The following SPTBN5 variants were observed in gnomAD, a reference collection of about 807,000 sequenced individuals.
SPTBN5 encodes spectrin beta chain, non-erythrocytic 5.
Under a neutral mutation model 477.6 loss-of-function variants are expected in SPTBN5, and 513 were observed. That is an observed-to-expected ratio of 1.07 (90% CI 1.00 to 1.16). The LOEUF (loss-of-function observed/expected upper bound fraction) is 1.16, where lower values mean the gene tolerates loss of function less well. Ranked by LOEUF, SPTBN5 falls within the 50% of genes most tolerant of loss-of-function variation. The probability of loss-of-function intolerance (pLI) is 0.00; values close to 1 mark genes in which losing one functional copy is unlikely to be tolerated. For synonymous variants in SPTBN5, 2,169 were observed against 2,011.7 expected, an observed-to-expected ratio of 1.08 and a Z score of -2.09; for missense variants, 5,062 against 4,731.8, an observed-to-expected ratio of 1.07 and a Z score of -2.05.
Position 41,878,266 on chromosome 15 carries a change from C to T in SPTBN5, c.3470+76G>A, listed in dbSNP as rs1036977767. On this transcript the variant is annotated intron_variant, in intron 17 of 67. Transcript: ENST00000320955. The stretch of plus-strand genomic sequence containing the variant: ...GAAATCACACTACTTCCCGCATGCT[C>T]TTTCTGGGCCTGAACCCAGAGCCCA... The T allele has an allele frequency of 6.5e-6, 10 of 1,528,736 alleles. No homozygotes were observed. The African/African-American group carries it at 1.1e-4, about 17-fold the overall frequency. 94.7% of individuals were successfully genotyped at this position (1,528,736 alleles called of 1,614,324 possible).
At chr15:41,861,216 C>A (rs550274011) in intron 46 of SPTBN5, among the ~76,000 whole-genome samples, 1 of 152,172 alleles carries the variant, frequency 6.6e-6, no homozygotes, top group African/African-American at 2.4e-5. Context: ...TTGGTGTTCG[C>A]GGTGGGGCCT....
chr15:41,882,549 G>A (rs780098903), intron 10 of SPTBN5, 36 bp downstream of exon 10: 3 of 1,595,596 alleles, frequency 1.9e-6, no homozygotes, highest in Admixed American at 1.7e-5. Flanking sequence ...AGGGCAAGGC[G>A]CTGGCGACCG....
At chr15:41,872,917 C>T (rs1340111234) in intron 26 of SPTBN5, among the ~76,000 whole-genome samples, 1 of 152,198 alleles carries the variant, frequency 6.6e-6, no homozygotes, top group Non-Finnish European at 1.5e-5. Flanking sequence ...TGGGGCTGTG[C>T]AGGAAACATG....
At position 41,851,093 on chromosome 15, in the gene SPTBN5, C is replaced by G; in HGVS notation, c.10801G>C (p.Gly3601Arg). ...AATGTGTGTTTCCTGCCGTGGCGGCCCCGCAGCCTCTCACACCGGGCTCCC... is the reference window on the plus strand; with the variant it reads ...AATGTGTGTTTCCTGCCGTGGCGGCGCCGCAGCCTCTCACACCGGGCTCCC... ...LTGARCERLRGRHGRKHTFSL... is the reference protein window; with the variant it reads ...LTGARCERLRRRHGRKHTFSL... The change falls in exon 65 of 68, where the codon GGC (glycine) becomes CGC (arginine). Residue 3601 changes from glycine to arginine, a missense_variant. Physicochemically the swap from Gly to Arg is moderately radical, Grantham distance 125. Transcript: ENST00000320955. 6.2e-7 allele frequency: 1 copy of G among 1,613,088 alleles called. No homozygotes were observed. Among genetic ancestry groups the G allele is most frequent in the Non-Finnish European group, 8.5e-7 (1 of 1,179,802 alleles).
Position 41,876,142 on chromosome 15 carries a change from G to C in SPTBN5, c.4094C>G (p.Thr1365Ser), listed in dbSNP as rs771426247. 1 of 1,603,280 alleles carries C rather than the reference G, an allele frequency of 6.2e-7. No homozygotes were observed. Among genetic ancestry groups the C allele is most frequent in the African/African-American group, 1.3e-5 (1 of 74,912 alleles). Residue 1365 changes from threonine to serine, a missense_variant, in exon 21 of 68, where the codon ACC (threonine) becomes AGC (serine). Coordinates refer to ENST00000320955, the MANE Select transcript of SPTBN5 (RefSeq NM_016642.4). ...HEAAESELLATRRHVEALQQV... is the reference protein window; with the variant it reads ...HEAAESELLASRRHVEALQQV... ...CTGCAGGGCCTCCACGTGTCTGCGG[G>C]TGGCGAGTAGCTCGCTCTCAGCTGC...
chr15:41,858,947 G>A lies in SPTBN5; in HGVS notation c.8022C>T (p.Arg2674=). The A allele has an allele frequency of 1.3e-6, 2 of 1,589,170 alleles. No individual in the cohort carries two copies. Among genetic ancestry groups the A allele is most frequent in the Admixed American group, 1.7e-5 (1 of 58,086 alleles). The change falls in exon 48 of 68, where the codon CGC becomes CGT. Residue 2674 remains arginine (R), a synonymous_variant. Coordinates refer to ENST00000320955, the MANE Select transcript of SPTBN5 (RefSeq NM_016642.4). ...KEALFRQAGT[R]RHRLEELRQL... ...GCCGGAGCTCCTCCAGGCGATGGCG[G>A]CGGGTCCCGGCTTGCCTGAAGAGCG...
intron 6 of SPTBN5, among the ~76,000 whole-genome samples, chr15:41,886,710 C>T (rs557855217): frequency 6.6e-6 from 1 of 152,160 alleles, no homozygotes; most frequent in African/African-American, 2.4e-5. Context: ...TAAAGCAGCT[C>T]ACAGCCCTTG....
At chr15:41,858,781 A>G in intron 48 of SPTBN5, 33 bp from the exon 49 acceptor site, 2 of 1,596,066 alleles carry the variant, frequency 1.3e-6, no homozygotes, top group Non-Finnish European at 8.5e-7. Flanking sequence ...CCTGCTGTCC[A>G]GGGCTTTCCC....
chr15:41,873,584 C>T lies in SPTBN5; in HGVS notation c.4915G>A (p.Glu1639Lys). Reference sequence around the variant, plus strand: ...GGCCGCTTCTCCTCCACCCAGCCCTCCAGCTCTGACACATCCAGAAAGTAC... The same window carrying T: ...GGCCGCTTCTCCTCCACCCAGCCCTTCAGCTCTGACACATCCAGAAAGTAC... ...QQYFLDVSEL[E>K]GWVEEKRPLV... is the part of the protein sequence containing the mutation. The change falls in exon 26 of 68, where the codon GAG (glutamate) becomes AAG (lysine). Residue 1639 changes from glutamate to lysine, a missense_variant. Coordinates refer to ENST00000320955, the MANE Select transcript of SPTBN5 (RefSeq NM_016642.4). The T allele has an allele frequency of 1.3e-6, 2 of 1,552,158 alleles. No homozygotes were observed. Among genetic ancestry groups the T allele is most frequent in the Non-Finnish European group, 8.7e-7 (1 of 1,147,328 alleles).
Position 41,868,746 on chromosome 15 carries a change from G to C in SPTBN5, c.5854-145C>G. 1.6e-5 allele frequency: 11 copies of C among 703,288 alleles called. 1 individual carries two copies. The South Asian group carries it at 2.0e-4, about 13-fold the overall frequency. The allele number at this position is 703,288 out of a possible 1,614,324, so 43.6% of individuals were successfully genotyped here. A position where few individuals can be genotyped will look rare whatever the true frequency, so the allele number is the denominator to read the frequency against. ...CAGGGCCTCGGGTGAGGCACATGTG[G>C]CCCTTTGTCACTTGGTTTCTCCGTT... On this transcript the variant is annotated intron_variant, in intron 32 of 67. Coordinates refer to ENST00000320955, the MANE Select transcript of SPTBN5 (RefSeq NM_016642.4).
Position 41,866,049 on chromosome 15 carries a change from T to G in SPTBN5, c.6811A>C (p.Ile2271Leu), listed in dbSNP as rs2066296943. The G allele has an allele frequency of 6.4e-7, 1 of 1,554,408 alleles. No individual in the cohort carries two copies. The highest frequency in any genetic ancestry group is 2.4e-5 in the East Asian group (1 of 41,154). The part of the protein sequence containing the change: ...LQRVDLAEAW[I>L]QEKEVKMNVG... ...AGCTGGGGCTACACCTTCTCCTGGATCCAGGCCTCTGCAAGGTCCACTCTC... is the reference window on the plus strand; with the variant it reads ...AGCTGGGGCTACACCTTCTCCTGGAGCCAGGCCTCTGCAAGGTCCACTCTC... The change falls in exon 38 of 68, where the codon ATC (isoleucine) becomes CTC (leucine). Residue 2271 changes from isoleucine (I) to leucine (L), a missense_variant. By Grantham distance (5) the Ile-to-Leu change is conservative. Transcript: ENST00000320955.
chr15:41,878,670 G>T, intron 16 of SPTBN5, 41 bp from the exon 17 acceptor site: 1 of 1,573,730 alleles, frequency 6.4e-7, no homozygotes, highest in Non-Finnish European at 8.6e-7. Context: ...GCCCTGTCCT[G>T]GGCCTGGTGC....
intron 17 of SPTBN5, among the ~76,000 whole-genome samples, chr15:41,878,028 G>T (rs941287858): frequency 4.6e-5 from 7 of 152,278 alleles, no homozygotes; most frequent in Admixed American, 2.6e-4. Context: ...CGGCAGGGGG[G>T]GCTAGACGCC....
In SPTBN5 at chr15:41,870,246, C is replaced by A; in HGVS notation, c.5670G>T (p.Arg1890=). 2 of 1,548,980 alleles carry A rather than the reference C, an allele frequency of 1.3e-6. No individual in the cohort carries two copies. Residue 1890 remains arginine, a synonymous_variant, in exon 31 of 68, where the codon CGG becomes CGT. Transcript: ENST00000320955. ...GLERELVGTE[R]QLQELLETAG... ...AGAGGCAGCCAGCTGGGCTCACCTGCCGCTCGGTGCCCACGAGTTCTCGCT... is the reference window on the plus strand; with the variant it reads ...AGAGGCAGCCAGCTGGGCTCACCTGACGCTCGGTGCCCACGAGTTCTCGCT...
chr15:41,855,009 G>C, intron 55 of SPTBN5, 33 bp from the exon 56 acceptor site: 1 of 1,505,454 alleles, frequency 6.6e-7, no homozygotes, highest in Non-Finnish European at 8.9e-7. Context: ...AGGGTCACTT[G>C]AGATGGTATC....
Position 41,855,460 on chromosome 15 carries a change from GC to G in SPTBN5, c.9219-33del, listed in dbSNP as rs1426016597. The stretch of plus-strand genomic sequence containing the variant: ...GAAGAGAGCGACAGTCTGGACTGCA[GC>G]CCTGCCTTTCCAGGCTGGAGCAGTC... On this transcript the variant is annotated intron_variant, in intron 54 of 67. Transcript: ENST00000320955. The G allele has an allele frequency of 4.4e-6, 7 of 1,594,700 alleles. No homozygotes were observed. The South Asian group carries it at 5.6e-5, about 13-fold the overall frequency.
chr15:41,849,140 G>T (rs757130740), intron 67 of SPTBN5, among the ~76,000 whole-genome samples: 1 of 152,182 alleles, frequency 6.6e-6, no homozygotes, highest in East Asian at 1.9e-4. Flanking sequence ...CCTGTCTCCA[G>T]TCCCTCCTCC....
chr15:41,884,310 G>A (rs982628681), intron 7 of SPTBN5, among the ~76,000 whole-genome samples: 2 of 151,404 alleles, frequency 1.3e-5, no homozygotes, highest in East Asian at 2.0e-4. Context: ...TAGTAGAGAC[G>A]GGTTTCACCA....
chr15:41,855,256 G>A lies in SPTBN5; in HGVS notation c.9391C>T (p.Gln3131Ter). The A allele has an allele frequency of 6.2e-7, 1 of 1,612,460 alleles. No homozygotes were observed. The highest frequency in any genetic ancestry group is 1.1e-5 in the South Asian group (1 of 90,986). ...LTTKAATAES[Q>*]DYGQDLEGVK... ...CCCTCCAGGTCCTGCCCGTAGTCCTGGGACTCGGCGGTGGCCGCCTTGGTG... is the reference window on the plus strand; with the variant it reads ...CCCTCCAGGTCCTGCCCGTAGTCCTAGGACTCGGCGGTGGCCGCCTTGGTG... The change falls in exon 55 of 68, where the codon CAG becomes TAG. Residue 3131 changes from glutamine (Q) to a stop codon, truncating the protein, a stop_gained. Coordinates refer to ENST00000320955, the MANE Select transcript of SPTBN5 (RefSeq NM_016642.4). LOFTEE classifies it high-confidence loss of function.
Sources: allele counts gnomAD v4.1 joint callset (sites outside exome capture counted in the v4.1 genomes callset), GRCh38; gene constraint gnomAD v4.1.1; transcripts MANE v1.5; gene names NCBI Gene and HGNC (gene_info 2026-07-23, HGNC 2026-07-21).